CACNA1A: variants seen among roughly 807,000 people sequenced by gnomAD.
The protein encoded by CACNA1A is voltage-dependent P/Q-type calcium channel subunit alpha-1A.
Under a neutral mutation model 262.4 loss-of-function variants are expected in CACNA1A, and 57 were observed. The observed-to-expected ratio is 0.22, with a 90% CI of 0.18 to 0.27. CACNA1A has a LOEUF of 0.27. Ranked by LOEUF, CACNA1A falls within the 10% of genes least tolerant of loss-of-function variation. The pLI, the probability that CACNA1A is intolerant of heterozygous loss-of-function variation, is 1.00. For synonymous variants in CACNA1A, 1,431 were observed against 1,419.3 expected (o/e 1.01, Z -0.18); for missense variants, 2,526 against 3,562.8 (o/e 0.71, Z 7.41).
At chr19:13,234,500 A>G (rs916652035) in intron 34 of CACNA1A, among the ~76,000 whole-genome samples, 6 of 152,088 alleles carry the variant, frequency 3.9e-5, no homozygotes, top group Non-Finnish European at 8.8e-5. Flanking sequence ...AGGGCTGCCA[A>G]GAATCCCTTC....
intron 3 of CACNA1A, among the ~76,000 whole-genome samples, chr19:13,422,828 T>C (rs1476112668): frequency 1.3e-5 from 2 of 152,224 alleles, no homozygotes; most frequent in East Asian, 1.9e-4. Context: ...TCACACACCA[T>C]TGCTGGGAGA....
rs1980748973 is a variant in CACNA1A, at chr19:13,490,781, GAAAGA to G, written c.293+15146_293+15150del. Reference sequence around the variant, plus strand: ...GGAAGAAGAGAGGAAGGAAGGAAAGGAAAGAAAGGAAAGAGAAAGGAAAAAGGAAG... The same window carrying G: ...GGAAGAAGAGAGGAAGGAAGGAAAGGAAGGAAAGAGAAAGGAAAAAGGAAG... On this transcript the variant is annotated intron_variant, in intron 1 of 46. Coordinates refer to ENST00000360228, the MANE Select transcript of CACNA1A (RefSeq NM_001127222.2). Among the ~76,000 whole-genome samples, 4 of 115,296 alleles carry G rather than the reference GAAAGA, an allele frequency of 3.5e-5. No individual in the cohort carries two copies. In the South Asian group the frequency reaches 9.4e-4, roughly 27 times the overall value. The allele number at this position is 115,296 out of a possible 152,430, so 75.6% of individuals were successfully genotyped here.
chr19:13,286,233 G>A (rs2057396118), intron 20 of CACNA1A, among the ~76,000 whole-genome samples: 1 of 152,142 alleles, frequency 6.6e-6, no homozygotes, highest in African/African-American at 2.4e-5. Context: ...CTCCTCAAAT[G>A]GGGTGGCTTC....
At chr19:13,317,358 T>G in intron 10 of CACNA1A, 37 bp from the exon 11 acceptor site, 1 of 1,539,244 alleles carries the variant, frequency 6.5e-7, no homozygotes, top group Non-Finnish European at 8.9e-7. Flanking sequence ...AGGCTCAGGC[T>G]GTTCCTTCAG....
chr19:13,271,625 C>T (rs1413614515), intron 24 of CACNA1A: 3 of 152,158 alleles, frequency 2.0e-5, no homozygotes, highest in Admixed American at 1.3e-4. Flanking sequence ...AACCTAGAAA[C>T]AGCATGTTGT....
chr19:13,303,752 C>T lies in CACNA1A; in HGVS notation c.2104+15G>A. 2 of 1,595,952 alleles carry T rather than the reference C, an allele frequency of 1.3e-6. No individual in the cohort carries two copies. The highest frequency in any genetic ancestry group is 1.7e-6 in the Non-Finnish European group (2 of 1,163,554). On this transcript the variant is annotated intron_variant, in intron 16 of 46. Transcript: ENST00000360228. ...GGTCCAGGCCTGTCCCCTTCTCTCT[C>T]TCCATGAAGGATACAGTTCCCAAAG...
intron 6 of CACNA1A, among the ~76,000 whole-genome samples, chr19:13,340,996 C>T (rs1380076196): frequency 6.6e-6 from 1 of 152,094 alleles, no homozygotes; most frequent in Admixed American, 6.6e-5. Context: ...TGCTTGAGGC[C>T]AGGAGTTTGA....
intron 35 of CACNA1A, among the ~76,000 whole-genome samples, chr19:13,230,811 A>G (rs75014801): frequency 5.7e-5 from 8 of 139,788 alleles, no homozygotes; most frequent in African/African-American, 1.1e-4. Context: ...CATTTCAAAG[A>G]AAAAAAAAAA....
At chr19:13,321,488 T>C (rs2058252480) in intron 10 of CACNA1A, among the ~76,000 whole-genome samples, 1 of 152,146 alleles carries the variant, frequency 6.6e-6, no homozygotes, top group African/African-American at 2.4e-5. Context: ...GAGAAATGCA[T>C]TGTTAGGCAA....
chr19:13,235,566 G>A (rs2055845817), intron 32 of CACNA1A, 48 bp downstream of exon 32: 3 of 1,288,982 alleles, frequency 2.3e-6, no homozygotes, highest in African/African-American at 1.5e-5. Context: ...GAGCATGAGG[G>A]TCACCTGTCT....
chr19:13,241,588 T>C lies in CACNA1A; in HGVS notation c.4950+3594A>G. On this transcript the variant is annotated intron_variant, in intron 31 of 46. Transcript: ENST00000360228. The surrounding 1 kb of genome is among the most constrained non-coding windows in gnomAD (Gnocchi z 4.0). ...GGCGGGGGCAGTTGGGGAGGCGTGT[T>C]CAGCATTTTTTAGGTTGATTTGTAA... 9.8e-7 allele frequency: 1 copy of C among 1,021,678 alleles called. No homozygotes were observed. The allele number at this position is 1,021,678 out of a possible 1,614,324, so 63.3% of individuals were successfully genotyped here.
intron 46 of CACNA1A, among the ~76,000 whole-genome samples, chr19:13,208,510 C>A (rs1293583063): frequency 3.0e-4 from 2 of 6,760 alleles, no homozygotes; most frequent in Non-Finnish European, 6.3e-4. Context: ...CAAGCAGCTG[C>A]GGGCGGCGGG....
At chr19:13,444,964 C>T (rs1163311451) in intron 3 of CACNA1A, among the ~76,000 whole-genome samples, 1 of 151,920 alleles carries the variant, frequency 6.6e-6, no homozygotes, top group East Asian at 1.9e-4. Context: ...ATGGAGAAAC[C>T]TCGTCTCTAC....
At chr19:13,376,715 A>G (rs2059414089) in intron 3 of CACNA1A, among the ~76,000 whole-genome samples, 2 of 148,314 alleles carry the variant, frequency 1.3e-5, no homozygotes, top group Non-Finnish European at 3.0e-5. Flanking sequence ...GATACACTAC[A>G]CATAATATAT....
intron 12 of CACNA1A, 94 bp downstream of exon 12, chr19:13,312,575 G>A (rs986172178): frequency 2.0e-5 from 14 of 713,230 alleles, no homozygotes; most frequent in Non-Finnish European, 3.1e-5. Flanking sequence ...TCATATTCAG[G>A]GGTGACTTTA....
At position 13,214,670 on chromosome 19, in the gene CACNA1A, A is replaced by C. The variant is rs1279397024; in HGVS notation, c.5732-62T>G. On this transcript the variant is annotated intron_variant, in intron 38 of 46. Transcript: ENST00000360228. This position sits in a 1 kb window ranked among gnomAD's most constrained non-coding sequence, Gnocchi z 4.1. ...CTGGGTGTCAGCTGGACTCTGGGTC[A>C]GCTGCAAAGCCATAGGCTCCCGAGA... The C allele has an allele frequency of 7.6e-7, 1 of 1,318,040 alleles. No homozygotes were observed. Among genetic ancestry groups the C allele is most frequent in the Non-Finnish European group, 1.1e-6 (1 of 924,520 alleles). The allele number at this position is 1,318,040 out of a possible 1,614,324, so 81.6% of individuals were successfully genotyped here.
intron 3 of CACNA1A, among the ~76,000 whole-genome samples, chr19:13,412,729 G>C (rs547363619): frequency 6.6e-6 from 1 of 151,948 alleles, no homozygotes; most frequent in Non-Finnish European, 1.5e-5. Flanking sequence ...TACCTGTCTC[G>C]GCCTCCCAAA....
intron 3 of CACNA1A, among the ~76,000 whole-genome samples, chr19:13,414,678 C>T (rs1192923360): frequency 6.6e-6 from 1 of 152,096 alleles, no homozygotes; most frequent in Non-Finnish European, 1.5e-5. Flanking sequence ...AGAAGCTCTG[C>T]CGGGTGTGGT....
At chr19:13,326,781 ACT>A (rs1421449202) in intron 10 of CACNA1A, among the ~76,000 whole-genome samples, 4 of 90,848 alleles carry the variant, frequency 4.4e-5, no homozygotes, top group African/African-American at 9.2e-5. Flanking sequence ...AGAGCAAGAC[ACT>A]GTCTCAAAAA....
Sources: gnomAD v4.1 joint callset for allele counts (sites outside exome capture counted in the v4.1 genomes callset) on GRCh38, gnomAD v4.1.1 for gene constraint, Gnocchi (gnomAD v3.1) non-coding constraint, MANE v1.5 for transcripts, NCBI Gene and HGNC (gene_info 2026-07-23, HGNC 2026-07-21) for gene names.